Variants in NFIB observed in about 807,000 individuals in gnomAD.
NFIB encodes the protein nuclear factor 1 B-type.
In NFIB, 11 loss-of-function variants were observed where a neutral mutation model predicts 61.5. That is an observed-to-expected ratio of 0.18 (90% CI 0.11 to 0.30). The LOEUF (loss-of-function observed/expected upper bound fraction) is 0.30, where lower values mean the gene tolerates loss of function less well. NFIB is among the 10% of genes least tolerant of loss of function. NFIB has a pLI of 1.00. For synonymous variants in NFIB, 260 were observed against 216.5 expected (o/e 1.20, Z -1.76); for missense variants, 471 against 608.9 (o/e 0.77, Z 2.38).
At chr9:14,505,003 C>T in the NFIB span, among the ~76,000 whole-genome samples, 3 of 152,140 alleles carry the variant, frequency 2.0e-5, no homozygotes, top group Non-Finnish European at 4.4e-5. Flanking sequence ...TAAGGTATGT[C>T]CCTTCTATGC....
chr9:14,395,849 C>T (rs1277037655), intron 1 of NFIB, among the ~76,000 whole-genome samples: 1 of 148,694 alleles, frequency 6.7e-6, no homozygotes, highest in Non-Finnish European at 1.5e-5. Flanking sequence ...CAGGCCTTGC[C>T]TCAGTGCGGG....
chr9:14,169,650 A>C (rs934899436), intron 3 of NFIB, among the ~76,000 whole-genome samples: 10 of 152,126 alleles, frequency 6.6e-5, no homozygotes, highest in Non-Finnish European at 1.3e-4. Flanking sequence ...GCGAAACCCC[A>C]CTTCTCCTAA....
chr9:14,130,075 T>G (rs1406884855), intron 6 of NFIB, among the ~76,000 whole-genome samples: 1 of 152,172 alleles, frequency 6.6e-6, no homozygotes, highest in Non-Finnish European at 1.5e-5. Context: ...ATTTGACTTT[T>G]TTTTTCTGTT....
chr9:14,341,920 G>C (rs1377292308), intron 1 of NFIB, among the ~76,000 whole-genome samples: 1 of 138,786 alleles, frequency 7.2e-6, no homozygotes, highest in African/African-American at 2.8e-5. Context: ...TGCTTAGCTA[G>C]AGAGTGACTC....
At chr9:14,525,237 A>G in the NFIB span, among the ~76,000 whole-genome samples, 1 of 152,200 alleles carries the variant, frequency 6.6e-6, no homozygotes, top group Admixed American at 6.5e-5. Context: ...AGACTGATGT[A>G]AAGCAGGCAA....
At chr9:14,159,607 G>C (rs1457010996) in intron 3 of NFIB, among the ~76,000 whole-genome samples, 1 of 152,220 alleles carries the variant, frequency 6.6e-6, no homozygotes, top group Non-Finnish European at 1.5e-5. Context: ...GTAACGGACA[G>C]GCATTAACCA....
chr9:14,283,509 A>G (rs532943779), intron 2 of NFIB, among the ~76,000 whole-genome samples: 4 of 152,332 alleles, frequency 2.6e-5, no homozygotes, highest in Admixed American at 6.5e-5. Flanking sequence ...CTTGACTGAA[A>G]GTTCACAGTT....
At chr9:14,369,392 T>G (rs1443902179) in intron 1 of NFIB, among the ~76,000 whole-genome samples, 2 of 152,220 alleles carry the variant, frequency 1.3e-5, no homozygotes, top group Admixed American at 1.3e-4. Flanking sequence ...ATCTGTATCA[T>G]TAAAAGTCAT....
the NFIB span, among the ~76,000 whole-genome samples, chr9:14,412,303 C>T: frequency 6.6e-6 from 1 of 152,154 alleles, no homozygotes; most frequent in Non-Finnish European, 1.5e-5. Flanking sequence ...ACAATTTACG[C>T]TTTCAGAAAA....
intron 2 of NFIB, among the ~76,000 whole-genome samples, chr9:14,234,006 A>G (rs2053480597): frequency 6.6e-6 from 1 of 152,200 alleles, no homozygotes; most frequent in Admixed American, 6.5e-5. Context: ...AATTAGCAAA[A>G]CAGGAGTCAA....
Position 14,146,744 on chromosome 9 carries a change from G to A in NFIB, c.870C>T (p.Tyr290=), listed in dbSNP as rs1268417773. 8.7e-6 allele frequency: 14 copies of A among 1,610,336 alleles called. No homozygotes were observed. In the South Asian group the frequency reaches 1.1e-4, roughly 13 times the overall value. ...NMEPSPTGDF[Y]PSPSSPAAGS... is the part of the protein sequence containing the mutation. ...CAGCAGCTGGTGAACTTGGAGAGGG[G>A]TAAAAGTCTCCTGTAGGACTTGGTT... The change falls in exon 6 of 11, where the codon TAC becomes TAT. Residue 290 remains tyrosine, a synonymous_variant. Transcript: ENST00000380953.
At chr9:14,387,402 AG>A (rs2061561682) in intron 1 of NFIB, among the ~76,000 whole-genome samples, 2 of 152,224 alleles carry the variant, frequency 1.3e-5, no homozygotes, top group African/African-American at 2.4e-5. Context: ...TTTTGAGAAA[AG>A]TGATTCTAAA....
chr9:14,279,577 A>ACATAAAT (rs888830698), intron 2 of NFIB, among the ~76,000 whole-genome samples: 9 of 152,212 alleles, frequency 5.9e-5, no homozygotes, highest in African/African-American at 2.2e-4. Flanking sequence ...AGACAATAAA[A>ACATAAAT]CATAAATCTA....
At chr9:14,207,885 T>C (rs1372701046) in intron 2 of NFIB, among the ~76,000 whole-genome samples, 1 of 152,010 alleles carries the variant, frequency 6.6e-6, no homozygotes, top group Non-Finnish European at 1.5e-5. Flanking sequence ...TGTTCACCAC[T>C]TTCTCACACA....
At chr9:14,330,542 T>C (rs1474567217) in intron 1 of NFIB, among the ~76,000 whole-genome samples, 1 of 152,256 alleles carries the variant, frequency 6.6e-6, no homozygotes, top group African/African-American at 2.4e-5. Context: ...CTAAGAATGA[T>C]GATCCATGTC....
intron 2 of NFIB, among the ~76,000 whole-genome samples, chr9:14,198,135 C>G (rs2048652671): frequency 1.3e-5 from 2 of 151,998 alleles, no homozygotes; most frequent in African/African-American, 4.8e-5. Context: ...GGAATTTTTT[C>G]AAAGTAAATA....
chr9:14,170,793 A>G (rs1437616524), intron 3 of NFIB, among the ~76,000 whole-genome samples: 6 of 152,218 alleles, frequency 3.9e-5, no homozygotes, highest in African/African-American at 1.4e-4. Context: ...AGGGGAACCT[A>G]GACATTCAAC....
At chr9:14,440,883 A>G in the NFIB span, among the ~76,000 whole-genome samples, 1 of 152,202 alleles carries the variant, frequency 6.6e-6, no homozygotes, top group Non-Finnish European at 1.5e-5. Context: ...TACTACACAA[A>G]GGTATTAAGA....
intron 1 of NFIB, among the ~76,000 whole-genome samples, chr9:14,320,781 G>A (rs888053830): frequency 6.6e-6 from 1 of 152,118 alleles, no homozygotes; most frequent in Non-Finnish European, 1.5e-5. Context: ...TTTTAGGGCT[G>A]ATTTAAATGT....
Sources: gnomAD v4.1 joint callset for allele counts (sites outside exome capture counted in the v4.1 genomes callset) on GRCh38, gnomAD v4.1.1 for gene constraint, MANE v1.5 for transcripts, NCBI Gene and HGNC (gene_info 2026-07-23, HGNC 2026-07-21) for gene names.